The following SLC44A5 variants were observed in gnomAD, a reference collection of about 807,000 sequenced individuals.
SLC44A5 encodes the protein choline transporter-like protein 5.
A neutral mutation model predicts 101.8 loss-of-function variants in SLC44A5; 57 were observed. That is an observed-to-expected ratio of 0.56 (90% CI 0.45 to 0.70). The LOEUF is 0.70. Ranked by LOEUF, SLC44A5 falls within the 30% of genes least tolerant of loss-of-function variation. SLC44A5 has a pLI of 0.00. For missense variants in SLC44A5, 737 were observed against 853.1 expected (o/e 0.86, Z 1.70); for synonymous variants, 281 against 290.9 (o/e 0.97, Z 0.35).
At chr1:75,265,784 G>T (rs190856685) in intron 6 of SLC44A5, among the ~76,000 whole-genome samples, 75 of 152,220 alleles carry the variant, frequency 4.9e-4, no homozygotes, top group Admixed American at 1.8e-3. Context: ...ACCTCATGGG[G>T]CCAGGTATTT....
chr1:75,515,289 T>C (rs1324520163), intron 2 of SLC44A5, among the ~76,000 whole-genome samples: 1 of 152,216 alleles, frequency 6.6e-6, no homozygotes, highest in Non-Finnish European at 1.5e-5. Flanking sequence ...GGTAAGAACA[T>C]TTGAACTTTA....
At chr1:75,222,183 C>T (rs573969071) in intron 14 of SLC44A5, among the ~76,000 whole-genome samples, 178 bp downstream of exon 14, 5 of 151,938 alleles carry the variant, frequency 3.3e-5, no homozygotes, top group Non-Finnish European at 5.9e-5. Flanking sequence ...CTCGAACTCC[C>T]GACCTCAGGT....
chr1:75,250,504 T>C lies in SLC44A5; in HGVS notation c.345+706A>G, dbSNP rs146602286. ...TTTTAGTAGAATGATTTATATTCCC[T>C]TGGGTATATACCCAATAATGGGATT... On this transcript the variant is annotated intron_variant, in intron 7 of 23. Coordinates refer to ENST00000370859, the MANE Select transcript of SLC44A5 (RefSeq NM_001130058.2). 1.8e-3 allele frequency among the ~76,000 whole-genome samples: 275 copies of C among 152,350 alleles called. 1 individual carries two copies. The highest frequency in any genetic ancestry group is 6.3e-3 in the African/African-American group (264 of 41,582).
At chr1:75,685,229 TG>T in the SLC44A5 span, among the ~76,000 whole-genome samples, 1 of 152,136 alleles carries the variant, frequency 6.6e-6, no homozygotes, top group Non-Finnish European at 1.5e-5. Flanking sequence ...TTTTTTTTCC[TG>T]GGCCTCCTGA....
At chr1:75,612,252 G>A (rs1026721589), upstream of SLC44A5, among the ~76,000 whole-genome samples, 1 of 152,110 alleles carries the variant, frequency 6.6e-6, no homozygotes, top group African/African-American at 2.4e-5. Context: ...AATCTTCCAG[G>A]AGAGGAATGT....
chr1:75,620,312 T>G, the SLC44A5 span, among the ~76,000 whole-genome samples: 1 of 152,182 alleles, frequency 6.6e-6, no homozygotes, highest in African/African-American at 2.4e-5. Context: ...TGTGTCTTTA[T>G]AGTAGAATGA....
chr1:75,346,345 A>T (rs1468087475), intron 3 of SLC44A5, among the ~76,000 whole-genome samples: 8 of 152,164 alleles, frequency 5.3e-5, no homozygotes. Flanking sequence ...TTGCATCATC[A>T]TTTGAAATAA....
intron 5 of SLC44A5, among the ~76,000 whole-genome samples, chr1:75,284,671 A>C (rs1027542967): frequency 2.6e-5 from 4 of 151,970 alleles, no homozygotes; most frequent in African/African-American, 9.7e-5. Flanking sequence ...TTATTACCTT[A>C]AGGTGTGTCC....
At chr1:75,264,009 T>G (rs1351063438) in intron 6 of SLC44A5, among the ~76,000 whole-genome samples, 1 of 151,782 alleles carries the variant, frequency 6.6e-6, no homozygotes, top group African/African-American at 2.4e-5. Flanking sequence ...AGGGATAGCA[T>G]TAGGAGAAAT....
At chr1:75,271,497 T>TTTGTG in intron 6 of SLC44A5, among the ~76,000 whole-genome samples, 1 of 146,400 alleles carries the variant, frequency 6.8e-6, no homozygotes, top group East Asian at 2.1e-4. Context: ...TCTGCATGTT[T>TTTGTG]TGTGTGTGTG....
At chr1:75,631,846 A>AT in the SLC44A5 span, among the ~76,000 whole-genome samples, 2 of 151,662 alleles carry the variant, frequency 1.3e-5, no homozygotes, top group African/African-American at 4.8e-5. Context: ...CAATTTTTGT[A>AT]TTTTTTGTAG....
chr1:75,664,829 G>A, the SLC44A5 span, among the ~76,000 whole-genome samples: 1 of 151,578 alleles, frequency 6.6e-6, no homozygotes, highest in Non-Finnish European at 1.5e-5. Context: ...GCTGAGGCAG[G>A]AGAATGGTGT....
chr1:75,558,405 G>A (rs1220644735), intron 1 of SLC44A5, among the ~76,000 whole-genome samples: 2 of 152,092 alleles, frequency 1.3e-5, no homozygotes, highest in Admixed American at 6.6e-5. Context: ...CTAGAAACTA[G>A]CACAGCCATC....
intron 2 of SLC44A5, among the ~76,000 whole-genome samples, chr1:75,470,248 C>T (rs2101726928): frequency 6.6e-6 from 1 of 152,084 alleles, no homozygotes; most frequent in South Asian, 2.1e-4. Flanking sequence ...TTTCAAGAAC[C>T]CTAGGGCTAT....
At chr1:75,417,594 G>A (rs1025104204) in intron 2 of SLC44A5, among the ~76,000 whole-genome samples, 1 of 152,246 alleles carries the variant, frequency 6.6e-6, no homozygotes, top group African/African-American at 2.4e-5. Flanking sequence ...TTGGAAGACT[G>A]ATGATTAATT....
the SLC44A5 span, among the ~76,000 whole-genome samples, chr1:75,635,673 G>C: frequency 1.7e-3 from 233 of 136,068 alleles, 2 homozygotes; most frequent in Non-Finnish European, 8.7e-4. Context: ...GGGGGAGGGG[G>C]GGAGGAATAG....
At chr1:75,684,259 G>A in the SLC44A5 span, among the ~76,000 whole-genome samples, 2 of 152,124 alleles carry the variant, frequency 1.3e-5, no homozygotes, top group African/African-American at 2.4e-5. Context: ...ACAATTCAAA[G>A]TGAGATTTGG....
chr1:75,517,441 C>A (rs1669897448), intron 2 of SLC44A5, among the ~76,000 whole-genome samples: 1 of 151,746 alleles, frequency 6.6e-6, no homozygotes, highest in South Asian at 2.1e-4. Flanking sequence ...CAAAAAAAAA[C>A]TTTATGACCT....
At chr1:75,568,414 A>G (rs1264942934) in intron 1 of SLC44A5, among the ~76,000 whole-genome samples, 1 of 152,210 alleles carries the variant, frequency 6.6e-6, no homozygotes. Flanking sequence ...GAGAGGATAA[A>G]TAGAAGATGA....
Sources: gnomAD v4.1 joint callset for allele counts (sites outside exome capture counted in the v4.1 genomes callset) on GRCh38, gnomAD v4.1.1 for gene constraint, MANE v1.5 for transcripts, NCBI Gene and HGNC (gene_info 2026-07-23, HGNC 2026-07-21) for gene names.